SOCS2: variants seen among roughly 807,000 people sequenced by gnomAD.
The protein encoded by SOCS2 is CIS-2.
In SOCS2, 10 loss-of-function variants were observed where a neutral mutation model predicts 18.6. The observed-to-expected ratio is 0.54, with a 90% CI of 0.33 to 0.91. The LOEUF is 0.91. Ranked by LOEUF, SOCS2 falls within the 40% of genes least tolerant of loss-of-function variation. The pLI is 0.02. For missense variants in SOCS2, 231 were observed against 247.2 expected, an observed-to-expected ratio of 0.93 and a Z score of 0.44; for synonymous variants, 104 against 104.0, an observed-to-expected ratio of 1.00 and a Z score of 0.00.
chr12:93,611,381 G>A, the SOCS2 span, among the ~76,000 whole-genome samples: 6 of 152,226 alleles, frequency 3.9e-5, no homozygotes, highest in Non-Finnish European at 8.8e-5. Context: ...GGGATTGCAG[G>A]TGTGTGCCAC....
At chr12:93,614,393 CTTTCTTTCTTTCTTTCTTTCTTT>C in the SOCS2 span, among the ~76,000 whole-genome samples, 6 of 140,212 alleles carry the variant, frequency 4.3e-5, no homozygotes, top group Non-Finnish European at 9.1e-5. Context: ...TTCTTTCTTT[CTTTCTTTCTTTCTTTCTTTCTTT>C]CTTCCTTTCT....
the SOCS2 span, among the ~76,000 whole-genome samples, chr12:93,619,292 C>T: frequency 5.3e-5 from 8 of 152,172 alleles, no homozygotes; most frequent in African/African-American, 1.9e-4. Context: ...CCAAGCCCAA[C>T]TGGAAGCCAG....
the SOCS2 span, among the ~76,000 whole-genome samples, chr12:93,597,609 C>A: frequency 6.6e-6 from 1 of 152,166 alleles, no homozygotes; most frequent in Non-Finnish European, 1.5e-5. Context: ...AGCCGCCATG[C>A]CCGAACTCAA....
the SOCS2 span, among the ~76,000 whole-genome samples, chr12:93,606,059 C>T: frequency 1.3e-5 from 2 of 152,228 alleles, no homozygotes; most frequent in Admixed American, 6.5e-5. Flanking sequence ...GATCCAAGCT[C>T]CTCCTATCTT....
At chr12:93,609,545 T>G in the SOCS2 span, among the ~76,000 whole-genome samples, 2 of 151,986 alleles carry the variant, frequency 1.3e-5, no homozygotes, top group East Asian at 3.9e-4. Flanking sequence ...TTTATCTTAA[T>G]TTATTACCTT....
the SOCS2 span, among the ~76,000 whole-genome samples, chr12:93,590,573 G>A: frequency 6.6e-6 from 1 of 151,784 alleles, no homozygotes; most frequent in Admixed American, 6.6e-5. Context: ...GAAGTGGGCG[G>A]ATCACGAGGT....
chr12:93,579,462 A>T (rs1168052451), downstream of SOCS2, among the ~76,000 whole-genome samples: 2 of 151,142 alleles, frequency 1.3e-5, no homozygotes, highest in African/African-American at 2.4e-5. Flanking sequence ...TTTTTTTTTT[A>T]AATCTACTTA....
At chr12:93,587,589 G>A (rs912081709), downstream of SOCS2, among the ~76,000 whole-genome samples, 1 of 151,722 alleles carries the variant, frequency 6.6e-6, no homozygotes, top group Non-Finnish European at 1.5e-5. Flanking sequence ...GCTGAGGCAG[G>A]AGAATCGCTT....
chr12:93,607,680 T>C, the SOCS2 span, among the ~76,000 whole-genome samples: 6 of 152,202 alleles, frequency 3.9e-5, no homozygotes, highest in Admixed American at 6.5e-5. Context: ...AAATCAATAC[T>C]ATTTTAATGC....
At chr12:93,572,474 C>A, upstream of SOCS2, 1 of 366,976 alleles carries the variant, frequency 2.7e-6, no homozygotes, top group Non-Finnish European at 5.3e-6. This position sits in a 1 kb window ranked among gnomAD's most constrained non-coding sequence, Gnocchi z 5.0. Context: ...CTCCGCCCCC[C>A]ACCTCTTCAG....
chr12:93,574,961 G>A lies in SOCS2; in HGVS notation c.379G>A (p.Asp127Asn), dbSNP rs776072741. ...ATTTGACAGTGTGGTTCATCTGATC[G>A]ACTACTATGTTCAGATGTGCAAGGA... ...KQFDSVVHLI[D>N]YYVQMCKDKR... The change falls in exon 2 of 2, where the codon GAC becomes AAC. Residue 127 changes from aspartate (D) to asparagine (N), a missense_variant. Physicochemically the swap from Asp to Asn is conservative, Grantham distance 23. Around this residue, in one of 3 missense-constraint regions of SOCS2, gnomAD observed 122 missense variants for 127.2 expected, o/e 0.96. Transcript: ENST00000551556. The A allele has an allele frequency of 3.4e-5, 55 of 1,613,984 alleles. No individual in the cohort carries two copies. The South Asian group carries it at 4.9e-4, about 14-fold the overall frequency.
At chr12:93,611,710 G>A in the SOCS2 span, among the ~76,000 whole-genome samples, 1 of 152,068 alleles carries the variant, frequency 6.6e-6, no homozygotes, top group Admixed American at 6.6e-5. Flanking sequence ...TTATGTTTCA[G>A]CACAATTTAT....
the SOCS2 span, among the ~76,000 whole-genome samples, chr12:93,600,122 T>A: frequency 1.3e-5 from 2 of 152,360 alleles, no homozygotes; most frequent in South Asian, 2.1e-4. Flanking sequence ...TCACTTTAGT[T>A]GTTGAATTCA....
At chr12:93,599,697 T>C in the SOCS2 span, among the ~76,000 whole-genome samples, 4 of 152,236 alleles carry the variant, frequency 2.6e-5, no homozygotes, top group African/African-American at 9.6e-5. Flanking sequence ...ATTAATGTAG[T>C]TATAATGAGA....
chr12:93,593,327 TA>T, the SOCS2 span, among the ~76,000 whole-genome samples: 3 of 152,328 alleles, frequency 2.0e-5, no homozygotes, highest in Non-Finnish European at 4.4e-5. Context: ...GCATCTTCTT[TA>T]AAGCTCCAGA....
the SOCS2 span, among the ~76,000 whole-genome samples, chr12:93,588,766 A>G: frequency 6.6e-6 from 1 of 151,924 alleles, no homozygotes; most frequent in Admixed American, 6.6e-5. Context: ...ACAGGCATGC[A>G]CCACCAAGCC....
downstream of SOCS2, among the ~76,000 whole-genome samples, chr12:93,580,336 T>C (rs1009595229): frequency 2.0e-5 from 3 of 152,174 alleles, no homozygotes; most frequent in African/African-American, 7.2e-5. Flanking sequence ...AAAAAATCCA[T>C]GTTAGCCAGG....
At chr12:93,572,052 C>A (rs2136684508), upstream of SOCS2, 1 of 203,614 alleles carries the variant, frequency 4.9e-6, no homozygotes, top group East Asian at 1.9e-4. The surrounding 1 kb of genome is among the most constrained non-coding windows in gnomAD (Gnocchi z 5.0). Flanking sequence ...GCGAGAACCA[C>A]CGCAGCCATC....
chr12:93,590,780 C>A, the SOCS2 span, among the ~76,000 whole-genome samples: 1 of 63,068 alleles, frequency 1.6e-5, no homozygotes, highest in African/African-American at 8.5e-5. Context: ...CAAGACTCCG[C>A]CTCAAAAAAA....
Sources: allele counts gnomAD v4.1 joint callset (sites outside exome capture counted in the v4.1 genomes callset), GRCh38; gene constraint gnomAD v4.1.1; regional missense constraint gnomAD v4.1.1; non-coding constraint Gnocchi (gnomAD v3.1); transcripts MANE v1.5; gene names NCBI Gene and HGNC (gene_info 2026-07-23, HGNC 2026-07-21).